ZNF883: variants seen among roughly 807,000 people sequenced by gnomAD.
ZNF883 encodes the protein zinc finger protein 883.
intron 1 of ZNF883, among the ~76,000 whole-genome samples, chr9:112,989,097 TA>T (rs1402357054): frequency 1.3e-5 from 2 of 152,232 alleles, no homozygotes; most frequent in Admixed American, 1.3e-4. Context: ...ACTCTGATGA[TA>T]GTTTCTTTTG....
chr9:113,008,604 T>C (rs1828501107), intron 2 of ZNF883, among the ~76,000 whole-genome samples: 1 of 151,308 alleles, frequency 6.6e-6, no homozygotes, highest in Non-Finnish European at 1.5e-5. Flanking sequence ...AAATCCAGCA[T>C]TTTATTTGAA....
intron 2 of ZNF883, among the ~76,000 whole-genome samples, chr9:113,009,968 C>T: frequency 6.6e-6 from 1 of 152,186 alleles, no homozygotes; most frequent in East Asian, 1.9e-4. Context: ...TGAATTAGTA[C>T]ATTTTTGAAT....
intron 2 of ZNF883, among the ~76,000 whole-genome samples, chr9:113,010,094 A>C (rs1828517323): frequency 6.6e-6 from 1 of 151,156 alleles, no homozygotes; most frequent in African/African-American, 2.5e-5. Context: ...ACATAGGCAG[A>C]AACTTTGTGT....
At chr9:112,998,988 A>G (rs537883485), upstream of ZNF883, 1 of 152,246 alleles carries the variant, frequency 6.6e-6, no homozygotes, top group South Asian at 2.1e-4. Flanking sequence ...GAGTTCTTCT[A>G]ATGTGAAGTA....
chr9:113,000,400 C>T (rs1184236279), upstream of ZNF883, among the ~76,000 whole-genome samples: 1 of 152,048 alleles, frequency 6.6e-6, no homozygotes, highest in African/African-American at 2.4e-5. Flanking sequence ...AGAACATTAA[C>T]AGGATAAATA....
chr9:112,999,935 G>A (rs1347188250), upstream of ZNF883: 1 of 152,074 alleles, frequency 6.6e-6, no homozygotes, highest in Non-Finnish European at 1.5e-5. Flanking sequence ...TAGTTGCTTG[G>A]TCTTTTTAGT....
At chr9:113,000,451 C>A (rs532725731), upstream of ZNF883, among the ~76,000 whole-genome samples, 1 of 152,078 alleles carries the variant, frequency 6.6e-6, no homozygotes, top group African/African-American at 2.4e-5. Flanking sequence ...CTTGTTAATT[C>A]TGTGTAAAAT....
chr9:112,991,842 C>T (rs1206262642), intron 1 of ZNF883, among the ~76,000 whole-genome samples: 1 of 152,138 alleles, frequency 6.6e-6, no homozygotes, highest in African/African-American at 2.4e-5. Context: ...TAATGCCCTT[C>T]TTTGTGTTTT....
In ZNF883 at chr9:112,998,101, G is replaced by A. The variant is rs113877750; in HGVS notation, n.159C>T. 2,789 of 1,613,894 alleles carry A rather than the reference G, an allele frequency of 1.7e-3. 38 individuals are homozygous for A. In the African/African-American group the frequency reaches 0.032, roughly 18 times the overall value. The stretch of plus-strand genomic sequence containing the variant: ...TTCTTTGATGTTGAACAAGATTACT[G>A]TTCCGGGTAAAGGACTTACCACATA... On this transcript the variant is annotated non_coding_transcript_exon_variant, in exon 1 of 1. Transcript: ENST00000639662.
At chr9:112,997,963 AC>A in exon 1 of ZNF883, 1 of 1,613,934 alleles carries the variant, frequency 6.2e-7, no homozygotes, top group Non-Finnish European at 8.5e-7. Flanking sequence ...CACATTCATT[AC>A]ACTCATAAGG....
exon 1 of ZNF883, chr9:112,997,801 A>G: frequency 1.2e-6 from 2 of 1,613,398 alleles, no homozygotes; most frequent in South Asian, 1.1e-5. Flanking sequence ...CAGTACATTC[A>G]TATGGTTTCT....
chr9:113,001,454 G>A (rs1383457835), upstream of ZNF883, among the ~76,000 whole-genome samples: 1 of 152,062 alleles, frequency 6.6e-6, no homozygotes, highest in Non-Finnish European at 1.5e-5. Flanking sequence ...AGAGATATGT[G>A]AGAAGATAGA....
intron 1 of ZNF883, among the ~76,000 whole-genome samples, chr9:112,988,712 G>A (rs1828275708): frequency 6.6e-6 from 1 of 152,112 alleles, no homozygotes; most frequent in African/African-American, 2.4e-5. Flanking sequence ...CTGGTCTGAG[G>A]TCTTTGAGGA....
At chr9:113,010,971 C>T (rs894071864) in intron 2 of ZNF883, among the ~76,000 whole-genome samples, 170 bp downstream of exon 2, 3 of 125,706 alleles carry the variant, frequency 2.4e-5, no homozygotes, top group African/African-American at 6.4e-5. Flanking sequence ...GGCAACTGGA[C>T]GAGACCTTGT....
intron 2 of ZNF883, among the ~76,000 whole-genome samples, chr9:113,008,912 T>C (rs1489312413): frequency 6.6e-6 from 1 of 152,044 alleles, no homozygotes; most frequent in Non-Finnish European, 1.5e-5. Context: ...TCTTTTCTAG[T>C]TCTCTTAGTG....
intron 1 of ZNF883, among the ~76,000 whole-genome samples, chr9:112,991,535 C>T (rs529059228): frequency 1.1e-4 from 16 of 151,850 alleles, no homozygotes; most frequent in African/African-American, 2.7e-4. Flanking sequence ...CAGTGCATTG[C>T]GGCACCGAGA....
At chr9:112,997,387 T>A in exon 1 of ZNF883, 2 of 1,613,984 alleles carry the variant, frequency 1.2e-6, no homozygotes, top group Non-Finnish European at 1.7e-6. Context: ...ATTGATAGGG[T>A]TTCACACAAG....
upstream of ZNF883, chr9:112,999,116 G>T (rs1828396201): frequency 6.6e-6 from 1 of 152,168 alleles, no homozygotes; most frequent in Non-Finnish European, 1.5e-5. Context: ...CCAGGATTAA[G>T]TAGAAGATAT....
downstream of ZNF883, among the ~76,000 whole-genome samples, chr9:112,994,931 A>T (rs965670385): frequency 6.6e-6 from 1 of 152,148 alleles, no homozygotes; most frequent in Non-Finnish European, 1.5e-5. Context: ...GGCATCAAAC[A>T]TCATTTATCT....
Sources: gnomAD v4.1 joint callset for allele counts (sites outside exome capture counted in the v4.1 genomes callset) on GRCh38, gnomAD v4.1.1 for gene constraint, MANE v1.5 for transcripts, NCBI Gene and HGNC (gene_info 2026-07-23, HGNC 2026-07-21) for gene names.